Variants in HPSE2 observed in about 807,000 individuals in gnomAD.
HPSE2 encodes the protein inactive heparanase-2.
Under a neutral mutation model 60.5 loss-of-function variants are expected in HPSE2, and 38 were observed. That is an observed-to-expected ratio of 0.63 (90% CI 0.48 to 0.82). The LOEUF (loss-of-function observed/expected upper bound fraction) is 0.82, where lower values mean the gene tolerates loss of function less well. Ranked by LOEUF, HPSE2 falls within the 40% of genes least tolerant of loss-of-function variation. The pLI is 0.00. For synonymous variants in HPSE2, 295 were observed against 293.2 expected, an observed-to-expected ratio of 1.01 and a Z score of -0.06; for missense variants, 713 against 740.4, an observed-to-expected ratio of 0.96 and a Z score of 0.43.
chr10:99,181,745 A>T (rs1847787310), intron 2 of HPSE2, among the ~76,000 whole-genome samples: 1 of 152,160 alleles, frequency 6.6e-6, no homozygotes, highest in African/African-American at 2.4e-5. Context: ...GGGAGCTAGG[A>T]GAGGTATAGC....
intron 2 of HPSE2, among the ~76,000 whole-genome samples, chr10:99,221,938 G>A (rs574461734): frequency 6.6e-6 from 1 of 152,240 alleles, no homozygotes; most frequent in African/African-American, 2.4e-5. Context: ...CTTCAGAAAG[G>A]TTAATAAGAC....
At chr10:98,496,931 C>T (rs1232758105) in intron 9 of HPSE2, among the ~76,000 whole-genome samples, 1 of 151,466 alleles carries the variant, frequency 6.6e-6, no homozygotes, top group Non-Finnish European at 1.5e-5. Context: ...ATATTTTTCT[C>T]TTGGTTTCTT....
intron 3 of HPSE2, among the ~76,000 whole-genome samples, chr10:98,953,448 A>G (rs962733212): frequency 1.8e-4 from 27 of 152,226 alleles, no homozygotes; most frequent in Middle Eastern, 6.8e-3. Context: ...AGACTCAGCC[A>G]TCTCACCACA....
At chr10:98,913,095 T>C (rs1196980357) in intron 3 of HPSE2, among the ~76,000 whole-genome samples, 1 of 152,066 alleles carries the variant, frequency 6.6e-6, no homozygotes, top group Non-Finnish European at 1.5e-5. Context: ...ATAAAATAAA[T>C]AAAATACATA....
At chr10:98,815,829 C>A (rs564660426) in intron 3 of HPSE2, among the ~76,000 whole-genome samples, 1 of 151,816 alleles carries the variant, frequency 6.6e-6, no homozygotes, top group Non-Finnish European at 1.5e-5. Flanking sequence ...TGGCCAACAA[C>A]GAATTTACGT....
chr10:98,473,516 A>C (rs12264113), intron 11 of HPSE2, among the ~76,000 whole-genome samples: 49,767 of 133,648 alleles, frequency 0.37, 10,694 homozygotes, highest in African/African-American at 0.57. Flanking sequence ...AAGGCAGAAA[A>C]AGAGAAAGAG....
At chr10:98,600,811 CGTGT>C in intron 9 of HPSE2, among the ~76,000 whole-genome samples, 2 of 50,574 alleles carry the variant, frequency 4.0e-5, no homozygotes, top group East Asian at 7.0e-4. Context: ...CACGTGTGTG[CGTGT>C]GTGTGTAGAT....
intron 3 of HPSE2, among the ~76,000 whole-genome samples, chr10:99,040,433 T>C (rs1957711500): frequency 6.6e-6 from 1 of 152,198 alleles, no homozygotes; most frequent in Non-Finnish European, 1.5e-5. Flanking sequence ...TACCAATTTA[T>C]ATTCTCACCA....
At chr10:98,620,372 TTAC>T (rs1946040306) in intron 8 of HPSE2, among the ~76,000 whole-genome samples, 2 of 152,228 alleles carry the variant, frequency 1.3e-5, no homozygotes, top group Non-Finnish European at 2.9e-5. Flanking sequence ...ATTATTACTG[TTAC>T]TACTATTACT....
chr10:99,302,550 C>T, the HPSE2 span, among the ~76,000 whole-genome samples: 4 of 152,052 alleles, frequency 2.6e-5, no homozygotes, highest in Non-Finnish European at 5.9e-5. Context: ...GTCAGCCACA[C>T]GATATTATAC....
At chr10:98,943,885 A>G (rs2135165838) in intron 3 of HPSE2, among the ~76,000 whole-genome samples, 1 of 152,324 alleles carries the variant, frequency 6.6e-6, no homozygotes, top group African/African-American at 2.4e-5. Flanking sequence ...GACCTTAATC[A>G]GATCCACCCA....
intron 3 of HPSE2, among the ~76,000 whole-genome samples, chr10:99,006,607 T>C (rs913277956): frequency 2.0e-5 from 3 of 152,014 alleles, no homozygotes; most frequent in Non-Finnish European, 4.4e-5. Flanking sequence ...CTAGAACCTA[T>C]ATCTGTGATG....
chr10:98,642,255 C>T (rs552736018), intron 6 of HPSE2, among the ~76,000 whole-genome samples: 1 of 151,688 alleles, frequency 6.6e-6, no homozygotes, highest in Non-Finnish European at 1.5e-5. Flanking sequence ...CTTTTTTTTC[C>T]CCTTGAGAAA....
intron 6 of HPSE2, among the ~76,000 whole-genome samples, chr10:98,645,166 C>T (rs1311976864): frequency 6.6e-6 from 1 of 152,096 alleles, no homozygotes; most frequent in Non-Finnish European, 1.5e-5. Flanking sequence ...GTAGGTTAGT[C>T]ATACAGGAAT....
At chr10:99,097,094 A>C (rs1394262429) in intron 3 of HPSE2, among the ~76,000 whole-genome samples, 1 of 152,224 alleles carries the variant, frequency 6.6e-6, no homozygotes, top group Non-Finnish European at 1.5e-5. Context: ...ACTAGTTATC[A>C]GCCAGTATAT....
the HPSE2 span, among the ~76,000 whole-genome samples, chr10:99,276,755 T>C: frequency 2.0e-5 from 3 of 152,166 alleles, no homozygotes; most frequent in African/African-American, 4.8e-5. Flanking sequence ...TTCTTTTTTA[T>C]TCAAGCCACA....
chr10:99,164,230 TATA>T (rs1846967038), intron 2 of HPSE2, among the ~76,000 whole-genome samples: 8 of 488 alleles, frequency 0.016, no homozygotes, highest in African/African-American at 0.029. Flanking sequence ...TCAAGCATTA[TATA>T]TATATATATA....
chr10:98,618,639 C>T (rs542269000), intron 8 of HPSE2, among the ~76,000 whole-genome samples: 14 of 152,224 alleles, frequency 9.2e-5, no homozygotes, highest in Non-Finnish European at 1.6e-4. Context: ...GGCTGGAATG[C>T]GGTCTCAGCT....
chr10:99,130,515 C>T (rs1358856320), intron 3 of HPSE2, among the ~76,000 whole-genome samples: 4 of 152,124 alleles, frequency 2.6e-5, no homozygotes, highest in Non-Finnish European at 5.9e-5. Context: ...AAAAAGGCCA[C>T]ACTTTGAGAT....
Sources: gnomAD v4.1 joint callset for allele counts (sites outside exome capture counted in the v4.1 genomes callset) on GRCh38, gnomAD v4.1.1 for gene constraint, MANE v1.5 for transcripts, NCBI Gene and HGNC (gene_info 2026-07-23, HGNC 2026-07-21) for gene names.